BACH1: variants seen among roughly 807,000 people sequenced by gnomAD.
The protein encoded by BACH1 is transcription regulator protein BACH1.
Under a neutral mutation model 52.9 loss-of-function variants are expected in BACH1, and 35 were observed. That is an observed-to-expected ratio of 0.66 (90% CI 0.51 to 0.88). The LOEUF is 0.88. BACH1 is among the 40% of genes least tolerant of loss of function. BACH1 has a pLI of 0.00. For synonymous variants in BACH1, 321 were observed against 319.6 expected (o/e 1.00, Z -0.05); for missense variants, 808 against 872.6 (o/e 0.93, Z 0.93).
chr21:29,330,184 A>T (rs1450424642), intron 4 of BACH1, among the ~76,000 whole-genome samples: 1 of 152,110 alleles, frequency 6.6e-6, no homozygotes, highest in Admixed American at 6.5e-5. Flanking sequence ...TTCTTTTTTG[A>T]GATGGAGTCT....
rs1198333838 is a variant in BACH1, at chr21:29,334,090, GTTATTTTTT to G, written c.1776+4418_1776+4426del. Among the ~76,000 whole-genome samples the G allele has an allele frequency of 3.0e-3, 456 of 150,982 alleles. 1 individual carries two copies. Among genetic ancestry groups the G allele is most frequent in the African/African-American group, 9.7e-3 (398 of 41,044 alleles). ...CAGTAACATGACTTTGGTTTTTTTTGTTATTTTTTTTATTTTTTTTATTTTTTTTTTTGA... is the reference window on the plus strand; with the variant it reads ...CAGTAACATGACTTTGGTTTTTTTTGTTATTTTTTTTATTTTTTTTTTTGA... On this transcript the variant is annotated intron_variant, in intron 4 of 4. Transcript: ENST00000286800.
At position 29,324,749 on chromosome 21, in the gene BACH1, T is replaced by C. The variant is rs980159830; in HGVS notation, c.235-1310T>C. Among the ~76,000 whole-genome samples, 118 of 152,340 alleles carry C rather than the reference T, an allele frequency of 7.7e-4. 1 individual carries two copies. The highest frequency in any genetic ancestry group is 2.7e-3 in the African/African-American group (113 of 41,576). On this transcript the variant is annotated intron_variant, in intron 2 of 4. Transcript: ENST00000286800. ...AAGACCAGGAGTGCAGTTGCTGGGT[T>C]ATATGGTAGTTGCATGTTTAGTTTT...
At position 29,308,678 on chromosome 21, in the gene BACH1, G is replaced by A. The variant is rs927936403; in HGVS notation, c.-61+9725G>A. Among the ~76,000 whole-genome samples the A allele has an allele frequency of 7.2e-5, 11 of 152,032 alleles. No homozygotes were observed. In the South Asian group the frequency reaches 8.3e-4, roughly 11 times the overall value. On this transcript the variant is annotated intron_variant, in intron 1 of 4. Coordinates refer to ENST00000286800, the MANE Select transcript of BACH1 (RefSeq NM_001186.4). ...GCCATCAACTAGTTTTAGGGCTTTC[G>A]CCTCCTAAAGAATATGAATTATGGT... is the stretch of plus-strand genomic sequence containing the variant.
downstream of BACH1, among the ~76,000 whole-genome samples, chr21:29,349,240 C>A (rs2089188810): frequency 6.6e-6 from 1 of 151,864 alleles, no homozygotes; most frequent in East Asian, 1.9e-4. Context: ...ACAGCAAGGG[C>A]CACAGTGGCC....
chr21:29,357,870 A>G (rs1289986189), intron 2 of BACH1, among the ~76,000 whole-genome samples: 1 of 152,194 alleles, frequency 6.6e-6, no homozygotes, highest in Non-Finnish European at 1.5e-5. Context: ...GGGGACAACA[A>G]ATGGGTAACT....
chr21:29,345,472 T>C lies in BACH1; in HGVS notation c.*2639T>C, dbSNP rs1411956312. Reference sequence around the variant, plus strand: ...TTTGATGATTTTTTAAAAGCTGTTATGTTGAATTCAGTAAAATAACATTAC... The same window carrying C: ...TTTGATGATTTTTTAAAAGCTGTTACGTTGAATTCAGTAAAATAACATTAC... On this transcript the variant is annotated 3_prime_UTR_variant, in exon 5 of 5. Coordinates refer to ENST00000286800, the MANE Select transcript of BACH1 (RefSeq NM_001186.4). 1 of 152,222 alleles carries C rather than the reference T, an allele frequency of 6.6e-6. No homozygotes were observed. Among genetic ancestry groups the C allele is most frequent in the Non-Finnish European group, 1.5e-5 (1 of 68,004 alleles). The allele number at this position is 152,222 out of a possible 1,614,324, so 9.4% of individuals were successfully genotyped here.
chr21:29,312,364 C>T (rs1181230935), intron 1 of BACH1, among the ~76,000 whole-genome samples: 1 of 152,152 alleles, frequency 6.6e-6, no homozygotes, highest in African/African-American at 2.4e-5. Context: ...ATACTTAACA[C>T]TTTCCTTATA....
chr21:29,342,282 G>A (rs1942049211), intron 4 of BACH1, 117 bp from the exon 5 acceptor site: 4 of 1,046,612 alleles, frequency 3.8e-6, no homozygotes, highest in African/African-American at 1.6e-5. Flanking sequence ...GAATTGAAAG[G>A]ATAAACTCCA....
chr21:29,305,640 C>G (rs1008864171), intron 1 of BACH1, among the ~76,000 whole-genome samples: 5 of 152,160 alleles, frequency 3.3e-5, no homozygotes, highest in African/African-American at 1.2e-4. Flanking sequence ...TGGAACAGCT[C>G]TCTAATCTCT....
At chr21:29,347,748 T>A (rs2089178144), downstream of BACH1, among the ~76,000 whole-genome samples, 1 of 152,212 alleles carries the variant, frequency 6.6e-6, no homozygotes, top group Non-Finnish European at 1.5e-5. Context: ...TACTAGTAAG[T>A]AAATGAATTC....
chr21:29,310,781 A>C (rs1324437949), intron 1 of BACH1, among the ~76,000 whole-genome samples: 1 of 152,262 alleles, frequency 6.6e-6, no homozygotes, highest in Admixed American at 6.5e-5. Context: ...GTTGAGCTTC[A>C]CTAAATGGTT....
At chr21:29,352,338 G>A (rs2089207731) in intron 2 of BACH1, among the ~76,000 whole-genome samples, 1 of 152,182 alleles carries the variant, frequency 6.6e-6, no homozygotes, top group Non-Finnish European at 1.5e-5. Flanking sequence ...GCAGGCGTGA[G>A]CCACTGCTCC....
At chr21:29,312,201 AT>A (rs2088731869) in intron 1 of BACH1, among the ~76,000 whole-genome samples, 1 of 151,870 alleles carries the variant, frequency 6.6e-6, no homozygotes, top group Non-Finnish European at 1.5e-5. Context: ...GAGTTGGGAA[AT>A]TTTACGTGTT....
intron 2 of BACH1, among the ~76,000 whole-genome samples, chr21:29,325,667 A>G (rs1028801127): frequency 3.3e-5 from 5 of 152,350 alleles, no homozygotes; most frequent in African/African-American, 1.2e-4. Context: ...TTTGGAATAC[A>G]GTGGCCATGT....
intron 1 of BACH1, among the ~76,000 whole-genome samples, chr21:29,313,327 T>C (rs146945083): frequency 1.2e-3 from 180 of 152,376 alleles, no homozygotes; most frequent in African/African-American, 4.1e-3. Context: ...ATTGGAATTG[T>C]CATACACTGC....
chr21:29,307,672 A>T (rs962325609), intron 1 of BACH1, among the ~76,000 whole-genome samples: 1 of 152,200 alleles, frequency 6.6e-6, no homozygotes, highest in African/African-American at 2.4e-5. Flanking sequence ...CATAGTATAT[A>T]TATAGGGTTT....
At chr21:29,310,047 T>C (rs1321051157) in intron 1 of BACH1, among the ~76,000 whole-genome samples, 1 of 152,196 alleles carries the variant, frequency 6.6e-6, no homozygotes, top group Non-Finnish European at 1.5e-5. Context: ...CTTTTTATTT[T>C]AGATTTCTAT....
chr21:29,333,702 T>TA (rs2089011113), intron 4 of BACH1, among the ~76,000 whole-genome samples: 1 of 152,208 alleles, frequency 6.6e-6, no homozygotes, highest in South Asian at 2.1e-4. Flanking sequence ...GCATAATAGA[T>TA]TCTGGATGGA....
downstream of BACH1, chr21:29,346,274 C>T (rs1346995883): frequency 1.3e-5 from 1 of 77,078 alleles, no homozygotes; most frequent in Non-Finnish European, 2.3e-5. Flanking sequence ...GATAATCATG[C>T]CTCAAAAAAA....
Sources: allele counts gnomAD v4.1 joint callset (sites outside exome capture counted in the v4.1 genomes callset), GRCh38; gene constraint gnomAD v4.1.1; transcripts MANE v1.5; gene names NCBI Gene and HGNC (gene_info 2026-07-23, HGNC 2026-07-21).